NEBL: variants seen among roughly 807,000 people sequenced by gnomAD.
NEBL encodes the protein LIM and SH3 protein 2.
NEBL carries 122 observed loss-of-function variants against 140.2 expected under a neutral mutation model. The observed-to-expected ratio is 0.87, with a 90% CI of 0.75 to 1.01. The LOEUF (loss-of-function observed/expected upper bound fraction) is 1.01, where lower values mean the gene tolerates loss of function less well. Among genes scored for constraint, NEBL ranks in the 50% least tolerant of loss-of-function variants. The pLI, the probability that NEBL is intolerant of heterozygous loss-of-function variation, is 0.00. For missense variants in NEBL, 1,365 were observed against 1,231.3 expected, an observed-to-expected ratio of 1.11 and a Z score of -1.62; for synonymous variants, 436 against 398.9, an observed-to-expected ratio of 1.09 and a Z score of -1.11.
At chr10:20,976,155 T>C (rs985725505) in intron 3 of NEBL, among the ~76,000 whole-genome samples, 1 of 151,224 alleles carries the variant, frequency 6.6e-6, no homozygotes, top group African/African-American at 2.4e-5. Context: ...GCCAACATGG[T>C]GAAACCCCAT....
intron 3 of NEBL, among the ~76,000 whole-genome samples, chr10:21,221,686 G>T (rs1842069311): frequency 6.6e-6 from 1 of 152,008 alleles, no homozygotes; most frequent in South Asian, 2.1e-4. Flanking sequence ...TGTATTTTTA[G>T]CAGAGACAGG....
At chr10:20,943,491 T>C (rs1019801723) in intron 4 of NEBL, among the ~76,000 whole-genome samples, 1 of 152,118 alleles carries the variant, frequency 6.6e-6, no homozygotes, top group East Asian at 1.9e-4. Flanking sequence ...CTAATGTTAA[T>C]TGACGAGTTA....
rs540838400 is a variant in NEBL, at chr10:20,976,921, T to C, written c.250-15142A>G. Among the ~76,000 whole-genome samples the C allele has an allele frequency of 2.9e-3, 394 of 137,144 alleles. 1 individual carries two copies. Among genetic ancestry groups the C allele is most frequent in the African/African-American group, 0.01 (370 of 36,838 alleles). The allele number at this position is 137,144 out of a possible 152,430, so 90.0% of individuals were successfully genotyped here. Reference sequence around the variant, plus strand: ...CTGCATATGTATTCCTGAATCTACATTAAAAAAAAAAAAAAAAAGTGCTTC... The same window carrying C: ...CTGCATATGTATTCCTGAATCTACACTAAAAAAAAAAAAAAAAAGTGCTTC... On this transcript the variant is annotated intron_variant, in intron 3 of 6. Coordinates refer to the NEBL transcript ENST00000417816.
intron 2 of NEBL, among the ~76,000 whole-genome samples, chr10:21,095,490 T>A (rs115434655): frequency 1.3e-5 from 2 of 152,244 alleles, no homozygotes; most frequent in Non-Finnish European, 2.9e-5. Flanking sequence ...GCTATTAGCA[T>A]AACTGTACCT....
chr10:21,076,675 C>T (rs992979495), intron 2 of NEBL, among the ~76,000 whole-genome samples: 1 of 152,094 alleles, frequency 6.6e-6, no homozygotes, highest in African/African-American at 2.4e-5. Flanking sequence ...AGCTACTATT[C>T]AACCTTAAAA....
intron 3 of NEBL, among the ~76,000 whole-genome samples, chr10:21,180,181 TC>T (rs1280533026): frequency 6.6e-6 from 1 of 151,704 alleles, no homozygotes; most frequent in Non-Finnish European, 1.5e-5. Context: ...ACAGATTATC[TC>T]CCCGAGCCTC....
intron 4 of NEBL, among the ~76,000 whole-genome samples, chr10:20,923,373 T>C (rs1396868610): frequency 6.6e-6 from 1 of 152,030 alleles, no homozygotes; most frequent in African/African-American, 2.4e-5. Context: ...GGCCACGTAT[T>C]CATATTAATA....
At chr10:21,255,600 GACA>G (rs1252274781) in intron 1 of NEBL, among the ~76,000 whole-genome samples, 1 of 152,134 alleles carries the variant, frequency 6.6e-6, no homozygotes, top group Admixed American at 6.6e-5. Context: ...CACTTTACTG[GACA>G]ACATCATCGT....
At chr10:21,033,825 C>T (rs1451018016) in intron 2 of NEBL, among the ~76,000 whole-genome samples, 1 of 151,688 alleles carries the variant, frequency 6.6e-6, no homozygotes, top group Non-Finnish European at 1.5e-5. Context: ...ATATGGCTCT[C>T]GTTTGGCTCT....
intron 3 of NEBL, among the ~76,000 whole-genome samples, chr10:21,012,335 A>T (rs912241678): frequency 6.6e-6 from 1 of 152,012 alleles, no homozygotes; most frequent in Non-Finnish European, 1.5e-5. Context: ...TGAAAAATGC[A>T]TTGATTGTGT....
chr10:21,125,908 G>T lies in NEBL; in HGVS notation c.164+46475C>A, dbSNP rs745542166. On this transcript the variant is annotated intron_variant, in intron 2 of 6. Transcript: ENST00000417816. Reference sequence around the variant, plus strand: ...GAATTTAAATCCATGCTTCCCTTTGGTTATACCTTCTGGTCCCAGAGACAG... The same window carrying T: ...GAATTTAAATCCATGCTTCCCTTTGTTTATACCTTCTGGTCCCAGAGACAG... 13 of 1,614,154 alleles carry T rather than the reference G, an allele frequency of 8.1e-6. No homozygotes were observed. In the South Asian group the frequency reaches 1.2e-4, roughly 15 times the overall value.
intron 16 of NEBL, among the ~76,000 whole-genome samples, chr10:20,830,749 A>G (rs1840321379): frequency 6.7e-6 from 1 of 150,006 alleles, no homozygotes; most frequent in Non-Finnish European, 1.5e-5. Flanking sequence ...AAAAAAAAAG[A>G]AAGAAAGAAA....
At chr10:21,281,677 T>A (rs1387037707) in intron 1 of NEBL, among the ~76,000 whole-genome samples, 1 of 152,044 alleles carries the variant, frequency 6.6e-6, no homozygotes, top group Non-Finnish European at 1.5e-5. Context: ...CATATCACGA[T>A]CACCTGGAGT....
intron 16 of NEBL, among the ~76,000 whole-genome samples, chr10:20,829,646 T>C (rs1285327478): frequency 6.6e-6 from 1 of 152,106 alleles, no homozygotes; most frequent in Non-Finnish European, 1.5e-5. Flanking sequence ...GCACCAGGCT[T>C]CATTACACCC....
intron 3 of NEBL, among the ~76,000 whole-genome samples, chr10:20,975,162 G>T (rs1836736770): frequency 6.6e-6 from 1 of 152,212 alleles, no homozygotes; most frequent in African/African-American, 2.4e-5. Flanking sequence ...TACCTCAAGA[G>T]CCTATCATAT....
chr10:21,076,444 CAAAAAAAAAAAAAAAA>C (rs56013237), intron 2 of NEBL, among the ~76,000 whole-genome samples: 19 of 50,072 alleles, frequency 3.8e-4, no homozygotes, highest in South Asian at 2.8e-3. Flanking sequence ...GACTCAGTTT[CAAAAAAAAAAAAAAAA>C]AAAAAAAAAA....
intron 1 of NEBL, among the ~76,000 whole-genome samples, chr10:21,271,129 C>A (rs543606402): frequency 1.3e-5 from 2 of 152,024 alleles, no homozygotes; most frequent in South Asian, 2.1e-4. Flanking sequence ...ATGACTAGAT[C>A]AAGAAAATGT....
At chr10:20,918,258 T>G (rs533160870) in intron 4 of NEBL, among the ~76,000 whole-genome samples, 1 of 152,266 alleles carries the variant, frequency 6.6e-6, no homozygotes, top group East Asian at 1.9e-4. Context: ...CTCAGGAGGC[T>G]GAGGCAGGAG....
At chr10:21,180,363 G>A (rs538818997) in intron 3 of NEBL, among the ~76,000 whole-genome samples, 71 of 152,250 alleles carry the variant, frequency 4.7e-4, no homozygotes, top group African/African-American at 1.6e-3. Flanking sequence ...CAGTTGGAAA[G>A]GGAGATGGTA....
Sources: allele counts gnomAD v4.1 joint callset (sites outside exome capture counted in the v4.1 genomes callset), GRCh38; gene constraint gnomAD v4.1.1; transcripts MANE v1.5; gene names NCBI Gene and HGNC (gene_info 2026-07-23, HGNC 2026-07-21).